NBPF19: variants seen among roughly 807,000 people sequenced by gnomAD.
NBPF19 encodes the protein NBPF family member NBPF19.
In NBPF19, 30 loss-of-function variants were observed where a neutral mutation model predicts 45.9. The ratio of observed to expected loss-of-function variants is 0.65; its 90% CI spans 0.49 to 0.89. The LOEUF (loss-of-function observed/expected upper bound fraction) is 0.89. Among genes scored for constraint, NBPF19 ranks in the 40% least tolerant of loss-of-function variants. The probability of loss-of-function intolerance (pLI) is 0.00; values close to 1 mark genes in which losing one functional copy is unlikely to be tolerated. For synonymous variants in NBPF19, 183 were observed against 181.2 expected (o/e 1.01, Z -0.08); for missense variants, 495 against 471.8 (o/e 1.05, Z -0.46).
In NBPF19 at chr1:149,495,532, GCA is replaced by G. The variant is rs1346122814; in HGVS notation, c.2222+284_2222+285del. The stretch of plus-strand genomic sequence containing the variant: ...AGCACATTTTATGGAAAATTATTGA[GCA>G]CAGTCTTTTCATGATCACTGTATGC... On this transcript the variant is annotated intron_variant, in intron 19 of 93. Coordinates refer to ENST00000651566, the MANE Select transcript of NBPF19 (RefSeq NM_001351365.2). 6.7e-5 allele frequency among the ~76,000 whole-genome samples: 3 copies of G among 44,978 alleles called. No homozygotes were observed. The East Asian group carries it at 2.0e-3, about 30-fold the overall frequency. 29.5% of individuals were successfully genotyped at this position (44,978 alleles called of 152,430 possible). A position where few individuals can be genotyped will look rare whatever the true frequency, so the allele number is the denominator to read the frequency against.
At chr1:149,494,044 G>T (rs1390125971) in intron 17 of NBPF19, among the ~76,000 whole-genome samples, 2 of 113,554 alleles carry the variant, frequency 1.8e-5, no homozygotes, top group African/African-American at 8.9e-5. Context: ...AGTGTCCTTT[G>T]ACCCCTTCAT....
At chr1:149,478,374 C>T (rs1333900556) in intron 3 of NBPF19, among the ~76,000 whole-genome samples, 1 of 151,188 alleles carries the variant, frequency 6.6e-6, no homozygotes, top group South Asian at 2.1e-4. Context: ...ACCCCACTTA[C>T]CCTTAGTGAG....
At chr1:149,478,758 A>G in intron 3 of NBPF19, 122 bp from the exon 4 acceptor site, 2 of 1,133,568 alleles carry the variant, frequency 1.8e-6, no homozygotes, top group East Asian at 2.4e-5. Context: ...TCCTTTCAAC[A>G]TGTGCTGACC....
intron 8 of NBPF19, among the ~76,000 whole-genome samples, chr1:149,486,760 A>C (rs1323688796): frequency 6.6e-6 from 1 of 151,108 alleles, no homozygotes; most frequent in African/African-American, 2.4e-5. Context: ...GGTTTCACTG[A>C]GTTTATTCCC....
intron 37 of NBPF19, among the ~76,000 whole-genome samples, chr1:149,509,932 CTGTGTG>C (rs1196755542): frequency 0.078 from 419 of 5,396 alleles, 2 homozygotes; most frequent in East Asian, 0.22. Context: ...CTCTCTCTCT[CTGTGTG>C]TGTGTGTGTG....
In NBPF19 at chr1:149,554,667, A is replaced by G. The variant is rs1250928072; in HGVS notation, c.11461A>G (p.Asn3821Asp). The change falls in exon 94 of 94, where the codon AAT becomes GAT. Residue 3821 changes from asparagine (N) to aspartate (D), a missense_variant. Asn to Asp is a conservative substitution (Grantham distance 23). Around this residue, in one of 8 missense-constraint regions of NBPF19, gnomAD observed 248 missense variants for 95.4 expected, o/e 2.60. Coordinates refer to ENST00000651566, the MANE Select transcript of NBPF19 (RefSeq NM_001351365.2). Reference protein sequence around the residue: ...EHISFALYLDNRFFTLTVTSL... With the variant: ...EHISFALYLDDRFFTLTVTSL... The stretch of plus-strand genomic sequence containing the variant: ...TATCAGCTTCGCCCTTTACTTGGAC[A>G]ATAGGTTTTTTACTTTGACGGTGAC... The G allele has an allele frequency of 2.5e-5, 40 of 1,608,144 alleles. 2 individuals carry two copies. Among genetic ancestry groups the G allele is most frequent in the Non-Finnish European group, 2.6e-5 (31 of 1,176,726 alleles).
intron 4 of NBPF19, 65 bp from the exon 5 acceptor site, chr1:149,480,077 T>C: frequency 1.5e-6 from 1 of 651,296 alleles, no homozygotes; most frequent in African/African-American, 1.8e-5. Flanking sequence ...TGTTGCACAT[T>C]GGGCTGACTG....
chr1:149,484,500 A>AT, intron 7 of NBPF19, among the ~76,000 whole-genome samples: 1 of 146,130 alleles, frequency 6.8e-6, no homozygotes, highest in African/African-American at 2.6e-5. Context: ...GTATTAAAAA[A>AT]AATATATATA....
At position 149,479,012 on chromosome 1, in the gene NBPF19, C is replaced by A. The variant is rs1444131545; in HGVS notation, c.411C>A (p.Asp137Glu). 6.3e-7 allele frequency: 1 copy of A among 1,579,618 alleles called. No individual in the cohort carries two copies. The highest frequency in any genetic ancestry group is 1.7e-5 in the Admixed American group (1 of 59,682). ...LQALLTPDEP[D>E]KSQGQDLQEQ... Reference sequence around the variant, plus strand: ...CCCTCCTCACTCCGGATGAGCCGGACAAGTCCCAGGGGCAGGACCTCCAAG... The same window carrying A: ...CCCTCCTCACTCCGGATGAGCCGGAAAAGTCCCAGGGGCAGGACCTCCAAG... Residue 137 changes from aspartate (D) to glutamate (E), a missense_variant, in exon 4 of 94, where the codon GAC becomes GAA. Transcript: ENST00000651566.
chr1:149,487,503 C>T, intron 9 of NBPF19, 120 bp downstream of exon 9: 1 of 992,154 alleles, frequency 1.0e-6, no homozygotes, highest in East Asian at 2.4e-5. Context: ...CTGAATTATG[C>T]CTAATACATT....
At chr1:149,487,956 G>C (rs1306914643) in intron 9 of NBPF19, 57 bp from the exon 10 acceptor site, 2 of 700,412 alleles carry the variant, frequency 2.9e-6, no homozygotes, top group Non-Finnish European at 5.3e-6. Flanking sequence ...ATCTAGCTGG[G>C]GCTGTGTGGT....
At chr1:149,487,180 A>G (rs2085579044) in intron 8 of NBPF19, 152 bp from the exon 9 acceptor site, 1 of 750,924 alleles carries the variant, frequency 1.3e-6, no homozygotes, top group Non-Finnish European at 2.4e-6. Context: ...TTTTCTCAAG[A>G]CTTGACCTCA....
chr1:149,478,839 A>T lies in NBPF19; in HGVS notation c.279-41A>T. 4 of 1,518,230 alleles carry T rather than the reference A, an allele frequency of 2.6e-6. No homozygotes were observed. In the South Asian group the frequency reaches 3.4e-5, roughly 13 times the overall value. The allele number at this position is 1,518,230 out of a possible 1,614,324, so 94.0% of individuals were successfully genotyped here. On this transcript the variant is annotated intron_variant, in intron 3 of 93. Transcript: ENST00000651566. ...TTGCAATATTTGAACGGATCACTCA[A>T]CCCTTTCTACTCTTAAATTTTCTCT...
Position 149,554,547 on chromosome 1 carries a change from C to A in NBPF19, c.11341C>A (p.Leu3781Met). The A allele has an allele frequency of 6.2e-7, 1 of 1,608,266 alleles. No individual in the cohort carries two copies. The highest frequency in any genetic ancestry group is 8.5e-7 in the Non-Finnish European group (1 of 1,176,750). The change falls in exon 94 of 94, where the codon CTG becomes ATG. Residue 3781 changes from leucine to methionine, a missense_variant. Leu to Met is a conservative substitution (Grantham distance 15). This residue lies in a region of NBPF19 where 248 missense variants were observed against 95.4 expected (regional missense o/e 2.60). Transcript: ENST00000651566. ...AGAGCCTGAAGTCTTACAGGACTCA[C>A]TGGATGGATGTTATTCGACTCCGTC... ...VEEPEVLQDSLDGCYSTPSMY... is the reference protein window; with the variant it reads ...VEEPEVLQDSMDGCYSTPSMY...
At chr1:149,477,851 G>A (rs2084936387) in intron 2 of NBPF19, 94 bp from the exon 3 acceptor site, 1 of 800,390 alleles carries the variant, frequency 1.2e-6, no homozygotes, top group Admixed American at 2.0e-5. Context: ...GGAGAGTTTT[G>A]TCCTTGGGAT....
Position 149,487,313 on chromosome 1 carries a change from C to A in NBPF19, c.989-19C>A, listed in dbSNP as rs1287465596. The A allele has an allele frequency of 2.2e-5, 34 of 1,554,254 alleles. No homozygotes were observed. The highest frequency in any genetic ancestry group is 3.3e-5 in the Admixed American group (2 of 59,800). ...AGGAAGAACTTAATGTAAGAGGGCC[C>A]ATCTGAATTTATTTGCAGGACATCG... On this transcript the variant is annotated intron_variant, in intron 8 of 93. Coordinates refer to ENST00000651566, the MANE Select transcript of NBPF19 (RefSeq NM_001351365.2).
rs1427066474 is a variant in NBPF19, at chr1:149,528,965, G to C, written c.7347-209G>C. ...TCTCTCTGTGTGTGTGTGTGTGTGT[G>C]TGTGTGTGTGTCTATCTGTCTTTCT... On this transcript the variant is annotated intron_variant, in intron 61 of 93. Coordinates refer to ENST00000651566, the MANE Select transcript of NBPF19 (RefSeq NM_001351365.2). 4.5e-5 allele frequency among the ~76,000 whole-genome samples: 6 copies of C among 133,304 alleles called. No individual in the cohort carries two copies. The South Asian group carries it at 7.7e-4, about 17-fold the overall frequency. 87.5% of individuals were successfully genotyped at this position (133,304 alleles called of 152,430 possible).
chr1:149,479,143 G>T (rs1452350855), intron 4 of NBPF19, 49 bp downstream of exon 4: 8 of 1,536,444 alleles, frequency 5.2e-6, no homozygotes, highest in African/African-American at 4.1e-5. Context: ...GCTTATGAGA[G>T]GCTCCAGACC....
chr1:149,554,553 G>C lies in NBPF19; in HGVS notation c.11347G>C (p.Gly3783Arg), dbSNP rs1455325732. 1.9e-6 allele frequency: 3 copies of C among 1,607,656 alleles called. No homozygotes were observed. Among genetic ancestry groups the C allele is most frequent in the East Asian group, 2.2e-5 (1 of 44,804 alleles). Residue 3783 changes from glycine (G) to arginine (R), a missense_variant, in exon 94 of 94, where the codon GGA becomes CGA. Gly to Arg is a moderately radical substitution (Grantham distance 125, BLOSUM62 -2). Around this residue, in one of 8 missense-constraint regions of NBPF19, gnomAD observed 248 missense variants for 95.4 expected, o/e 2.60. Coordinates refer to ENST00000651566, the MANE Select transcript of NBPF19 (RefSeq NM_001351365.2). The part of the protein sequence containing the change: ...EPEVLQDSLD[G>R]CYSTPSMYFE... ...TGAAGTCTTACAGGACTCACTGGAT[G>C]GATGTTATTCGACTCCGTCAATGTA...
Sources: allele counts gnomAD v4.1 joint callset (sites outside exome capture counted in the v4.1 genomes callset), GRCh38; gene constraint gnomAD v4.1.1; regional missense constraint gnomAD v4.1.1; transcripts MANE v1.5; gene names NCBI Gene and HGNC (gene_info 2026-07-23, HGNC 2026-07-21).